SMC1B: variants seen among roughly 807,000 people sequenced by gnomAD.
SMC1B encodes the protein structural maintenance of chromosomes protein 1B.
SMC1B carries 60 observed loss-of-function variants against 157.9 expected under a neutral mutation model. The observed-to-expected ratio is 0.38, with a 90% CI of 0.31 to 0.47. The LOEUF is 0.47. Ranked by LOEUF, SMC1B falls within the 20% of genes least tolerant of loss-of-function variation. The pLI, the probability that SMC1B is intolerant of heterozygous loss-of-function variation, is 0.99. For missense variants in SMC1B, 1,165 were observed against 1,426.2 expected (o/e 0.82, Z 2.95); for synonymous variants, 445 against 483.0 (o/e 0.92, Z 1.03).
intron 12 of SMC1B, among the ~76,000 whole-genome samples, chr22:45,374,581 CA>C (rs1299447771): frequency 6.6e-6 from 1 of 152,178 alleles, no homozygotes; most frequent in Non-Finnish European, 1.5e-5. Context: ...TTCTTGGTTA[CA>C]AGTCTTCAAA....
chr22:45,399,301 C>A lies in SMC1B; in HGVS notation c.907G>T (p.Glu303Ter). 3 of 1,613,924 alleles carry A rather than the reference C, an allele frequency of 1.9e-6. No homozygotes were observed. Among genetic ancestry groups the A allele is most frequent in the Non-Finnish European group, 1.7e-6 (2 of 1,179,892 alleles). ...TTCTTAAGGTGGTGAGAAGTGTTTT[C>A]TTTGGCTTTAATGTACTGAGGCCTC... ...QKRPQYIKAK[E>*]NTSHHLKKLD... The change falls in exon 6 of 25, where the codon GAA (glutamate) becomes TAA (stop). Residue 303 changes from glutamate to a stop codon, truncating the protein, a stop_gained. Transcript: ENST00000357450. LOFTEE classifies it high-confidence loss of function.
chr22:45,392,101 C>T (rs1263610063), intron 9 of SMC1B, among the ~76,000 whole-genome samples: 1 of 152,102 alleles, frequency 6.6e-6, no homozygotes, highest in Non-Finnish European at 1.5e-5. Flanking sequence ...CATGCACCAC[C>T]ACGCCCAGCT....
At chr22:45,364,702 C>T (rs1015528657) in intron 15 of SMC1B, among the ~76,000 whole-genome samples, 7 of 152,174 alleles carry the variant, frequency 4.6e-5, no homozygotes, top group Non-Finnish European at 7.3e-5. Context: ...AGAAGTGGAA[C>T]GCTTCTTCAC....
intron 19 of SMC1B, among the ~76,000 whole-genome samples, chr22:45,357,614 G>GT (rs1292661635): frequency 2.3e-5 from 3 of 131,244 alleles, no homozygotes; most frequent in African/African-American, 7.4e-5. Flanking sequence ...TTCTCAAAAA[G>GT]TAACCACAGA....
chr22:45,363,668 T>G (rs545645099), intron 15 of SMC1B, among the ~76,000 whole-genome samples: 118 of 150,500 alleles, frequency 7.8e-4, no homozygotes, highest in African/African-American at 2.7e-3. Flanking sequence ...AAAGTGAGAC[T>G]CCATCTCAAA....
In SMC1B at chr22:45,358,740, T is replaced by G. The variant is rs1251409109; in HGVS notation, c.2918A>C (p.Glu973Ala). 3.1e-6 allele frequency: 5 copies of G among 1,613,320 alleles called. No homozygotes were observed. In the African/African-American group the frequency reaches 4.0e-5, roughly 13 times the overall value. Reference protein sequence around the residue: ...QATIDIYEKEEAFEIDYSSLK... With the variant: ...QATIDIYEKEAAFEIDYSSLK... Reference sequence around the variant, plus strand: ...AGAGCTGTAGTCTATTTCAAAGGCTTCTTCTTTTTCATAGATATCAATTGT... The same window carrying G: ...AGAGCTGTAGTCTATTTCAAAGGCTGCTTCTTTTTCATAGATATCAATTGT... The change falls in exon 19 of 25, where the codon GAA becomes GCA. Residue 973 changes from glutamate (E) to alanine (A), a missense_variant. Coordinates refer to ENST00000357450, the MANE Select transcript of SMC1B (RefSeq NM_148674.5).
intron 5 of SMC1B, among the ~76,000 whole-genome samples, chr22:45,401,545 G>T (rs1443277048): frequency 2.6e-5 from 4 of 152,204 alleles, no homozygotes; most frequent in African/African-American, 9.6e-5. Context: ...AATTAGGGTG[G>T]GATGGCCAGC....
At chr22:45,395,239 T>C (rs964018787) in intron 7 of SMC1B, among the ~76,000 whole-genome samples, 2 of 152,218 alleles carry the variant, frequency 1.3e-5, no homozygotes, top group Non-Finnish European at 2.9e-5. Context: ...AGAGTGGTTT[T>C]GTGTTATAAT....
chr22:45,353,918 AAACAAC>A (rs1569174439), intron 21 of SMC1B, 54 bp downstream of exon 21: 22 of 862,466 alleles, frequency 2.6e-5, no homozygotes, highest in Admixed American at 6.4e-5. Flanking sequence ...AAAAAAAAAA[AAACAAC>A]CACCACCGGT....
At chr22:45,407,731 G>A (rs1249904107) in intron 2 of SMC1B, among the ~76,000 whole-genome samples, 4 of 152,122 alleles carry the variant, frequency 2.6e-5, no homozygotes, top group African/African-American at 4.8e-5. Flanking sequence ...TTACAGGCAT[G>A]AGCCCCATGC....
At chr22:45,345,156 G>A (rs3817730) in intron 24 of SMC1B, among the ~76,000 whole-genome samples, 60,200 of 152,068 alleles carry the variant, frequency 0.4, 14,610 homozygotes, top group Non-Finnish European at 0.55. Flanking sequence ...CTGAAACACT[G>A]CAGAAATAAG....
chr22:45,354,189 A>G (rs1275549766), intron 20 of SMC1B, 57 bp from the exon 21 acceptor site: 1 of 1,334,878 alleles, frequency 7.5e-7, no homozygotes, highest in Non-Finnish European at 1.0e-6. Context: ...TCTTTTACTT[A>G]AACTGTAAAG....
At chr22:45,358,276 T>C (rs5765280) in intron 19 of SMC1B, among the ~76,000 whole-genome samples, 59,152 of 152,086 alleles carry the variant, frequency 0.39, 13,634 homozygotes, top group Non-Finnish European at 0.52. Flanking sequence ...TGAGCCATTC[T>C]AGCATATTAT....
intron 22 of SMC1B, among the ~76,000 whole-genome samples, chr22:45,350,763 CCA>C (rs2086607375): frequency 2.6e-5 from 4 of 152,140 alleles, no homozygotes; most frequent in African/African-American, 9.7e-5. Context: ...AGGTCAAAAC[CCA>C]CAGAGCCATC....
At chr22:45,385,402 AGAT>A (rs915656341) in intron 11 of SMC1B, among the ~76,000 whole-genome samples, 1 of 152,146 alleles carries the variant, frequency 6.6e-6, no homozygotes. Context: ...CACAAATTGC[AGAT>A]GATTCACCAG....
intron 7 of SMC1B, 91 bp downstream of exon 7, chr22:45,396,255 G>T (rs1311735518): frequency 3.5e-6 from 4 of 1,156,556 alleles, no homozygotes; most frequent in Admixed American, 4.5e-5. Flanking sequence ...ATAGTGTAAG[G>T]TTAAGGAGAT....
intron 12 of SMC1B, among the ~76,000 whole-genome samples, chr22:45,374,826 T>G (rs1192212304): frequency 6.6e-6 from 1 of 152,152 alleles, no homozygotes; most frequent in East Asian, 1.9e-4. Context: ...GTTCTTCTTT[T>G]TTTGTTGTTC....
At chr22:45,377,337 A>G (rs2086892611) in intron 12 of SMC1B, among the ~76,000 whole-genome samples, 1 of 152,044 alleles carries the variant, frequency 6.6e-6, no homozygotes, top group Non-Finnish European at 1.5e-5. Context: ...AATTAATGTC[A>G]GCTTTAACAA....
intron 6 of SMC1B, among the ~76,000 whole-genome samples, chr22:45,398,549 G>A (rs2087154066): frequency 6.6e-6 from 1 of 152,188 alleles, no homozygotes; most frequent in Non-Finnish European, 1.5e-5. Context: ...TCCTGCATCG[G>A]CCGGGCATGG....
Sources: allele counts gnomAD v4.1 joint callset (sites outside exome capture counted in the v4.1 genomes callset), GRCh38; gene constraint gnomAD v4.1.1; transcripts MANE v1.5; gene names NCBI Gene and HGNC (gene_info 2026-07-23, HGNC 2026-07-21).